Variants in STK35 observed in about 807,000 individuals in gnomAD.
STK35 encodes the protein serine/threonine-protein kinase 35.
In STK35, 17 loss-of-function variants were observed where a neutral mutation model predicts 37.3. The ratio of observed to expected loss-of-function variants is 0.46; its 90% CI spans 0.31 to 0.68. STK35 has a LOEUF of 0.68. STK35 is among the 30% of genes least tolerant of loss of function. STK35 has a pLI of 0.05. For missense variants in STK35, 595 were observed against 746.7 expected (o/e 0.80, Z 2.37); for synonymous variants, 385 against 319.1 (o/e 1.21, Z -2.20).
intron 3 of STK35, among the ~76,000 whole-genome samples, chr20:2,122,364 A>G (rs1985834111): frequency 6.6e-6 from 1 of 152,198 alleles, no homozygotes; most frequent in Non-Finnish European, 1.5e-5. Flanking sequence ...TGCATAAGTA[A>G]ACACACTTGA....
In STK35 at chr20:2,133,767, A is replaced by G. The variant is rs139810540; in HGVS notation, c.*38-10017A>G. On this transcript the variant is annotated intron_variant, in intron 3 of 3. Transcript: ENST00000381482. ...TTAATACTAGCACTTTTGGCAGTAT[A>G]CTCCAAGCAATCAAATTGTTTAAAA... 5.2e-3 allele frequency among the ~76,000 whole-genome samples: 795 copies of G among 152,284 alleles called. 4 individuals carry two copies. Among genetic ancestry groups the G allele is most frequent in the African/African-American group, 0.018 (756 of 41,542 alleles).
At chr20:2,127,923 G>C (rs1000740936) in intron 3 of STK35, among the ~76,000 whole-genome samples, 2 of 152,152 alleles carry the variant, frequency 1.3e-5, no homozygotes, top group Non-Finnish European at 2.9e-5. Flanking sequence ...TCTGCAGCAG[G>C]AACAGAGGAT....
At position 2,148,111 on chromosome 20, in the gene STK35, C is replaced by T. The variant is rs958654417; in HGVS notation, c.*4365C>T. On this transcript the variant is annotated 3_prime_UTR_variant, in exon 4 of 4. Coordinates refer to ENST00000381482, the MANE Select transcript of STK35 (RefSeq NM_080836.4). ...TTATAGACGGTATCAGCAGGGAGGC[C>T]GTCCCGCTGGTTTTCTAGGAGAGCC... The T allele has an allele frequency of 2.0e-5, 3 of 151,760 alleles. No homozygotes were observed. The highest frequency in any genetic ancestry group is 4.4e-5 in the Non-Finnish European group (3 of 68,028). The allele number at this position is 151,760 out of a possible 1,614,324, so 9.4% of individuals were successfully genotyped here. A position where few individuals can be genotyped will look rare whatever the true frequency, so the allele number is the denominator to read the frequency against.
In STK35 at chr20:2,147,408, G is replaced by T. The variant is rs1045978389; in HGVS notation, c.*3662G>T. On this transcript the variant is annotated 3_prime_UTR_variant, in exon 4 of 4. Transcript: ENST00000381482. ...GAATCTTTTTCTAAGAGAAGGAAAA[G>T]AGCTGGCATTGTGGGAATTTTCTTT... 2 of 152,648 alleles carry T rather than the reference G, an allele frequency of 1.3e-5. No homozygotes were observed. Among genetic ancestry groups the T allele is most frequent in the African/African-American group, 4.8e-5 (2 of 41,454 alleles). 9.5% of individuals were successfully genotyped at this position (152,648 alleles called of 1,614,324 possible). A position where few individuals can be genotyped will look rare whatever the true frequency, so the allele number is the denominator to read the frequency against.
At chr20:2,108,256 C>T (rs1985553581) in intron 2 of STK35, among the ~76,000 whole-genome samples, 1 of 152,228 alleles carries the variant, frequency 6.6e-6, no homozygotes, top group Non-Finnish European at 1.5e-5. Flanking sequence ...CACCTGTAAT[C>T]CCAACACTTT....
chr20:2,103,603 T>C (rs1271801976), intron 2 of STK35, among the ~76,000 whole-genome samples: 2 of 152,254 alleles, frequency 1.3e-5, no homozygotes, highest in African/African-American at 2.4e-5. Flanking sequence ...GTTTAAGTGC[T>C]AACCATTAAC....
chr20:2,108,300 G>T (rs1184415880), intron 2 of STK35, among the ~76,000 whole-genome samples: 1 of 152,196 alleles, frequency 6.6e-6, no homozygotes, highest in Non-Finnish European at 1.5e-5. Flanking sequence ...CCTCAGGTCA[G>T]GAGGTGGAGA....
Position 2,117,476 on chromosome 20 carries a change from G to A in STK35, c.*37+61G>A. On this transcript the variant is annotated intron_variant, in intron 3 of 3. Transcript: ENST00000381482. The surrounding 1 kb of genome is among the most constrained non-coding windows in gnomAD (Gnocchi z 4.4). ...TTTGAGACAGGGTCTCACTCTGTTG[G>A]TCAGGCTGGGGTGCAGCGGGTGCAG... 4.1e-6 allele frequency: 4 copies of A among 987,248 alleles called. No homozygotes were observed. Among genetic ancestry groups the A allele is most frequent in the Non-Finnish European group, 5.9e-6 (4 of 677,744 alleles). 61.2% of individuals were successfully genotyped at this position (987,248 alleles called of 1,614,324 possible). A position where few individuals can be genotyped will look rare whatever the true frequency, so the allele number is the denominator to read the frequency against.
At position 2,103,358 on chromosome 20, in the gene STK35, G is replaced by A. The variant is rs756370882; in HGVS notation, c.885G>A (p.Ser295=). ...TTTACCTGCGCCTGGTGGAGACCTCGCTGAAAGGTAGGAGCACCGCGGGCC... is the reference window on the plus strand; with the variant it reads ...TTTACCTGCGCCTGGTGGAGACCTCACTGAAAGGTAGGAGCACCGCGGGCC... ...SQLYLRLVET[S]LKGERILGYA... Residue 295 remains serine, a synonymous_variant, in exon 2 of 4, where the codon TCG becomes TCA. Coordinates refer to ENST00000381482, the MANE Select transcript of STK35 (RefSeq NM_080836.4). 5 of 1,610,478 alleles carry A rather than the reference G, an allele frequency of 3.1e-6. No individual in the cohort carries two copies. The highest frequency in any genetic ancestry group is 1.7e-5 in the Admixed American group (1 of 59,824).
intron 3 of STK35, among the ~76,000 whole-genome samples, chr20:2,129,967 G>T (rs1046824198): frequency 1.3e-5 from 2 of 152,184 alleles, no homozygotes; most frequent in Non-Finnish European, 2.9e-5. Flanking sequence ...AGGGGAGATG[G>T]TGAAGTGGGA....
intron 3 of STK35, among the ~76,000 whole-genome samples, chr20:2,121,279 GTGAGAGA>G (rs1985812436): frequency 6.6e-6 from 1 of 152,192 alleles, no homozygotes. Context: ...AATAATCCAG[GTGAGAGA>G]TGACGATGGC....
intron 3 of STK35, among the ~76,000 whole-genome samples, chr20:2,127,747 A>G (rs1447111249): frequency 1.3e-5 from 2 of 152,116 alleles, no homozygotes; most frequent in Admixed American, 6.5e-5. Context: ...GCTGCTCTGG[A>G]GTCCTGTAAG....
chr20:2,123,459 C>T (rs1453429158), intron 3 of STK35, among the ~76,000 whole-genome samples: 2 of 152,152 alleles, frequency 1.3e-5, no homozygotes, highest in African/African-American at 4.8e-5. Flanking sequence ...AGATCTAACC[C>T]TAGTACAACC....
In STK35 at chr20:2,102,150, C is replaced by T; in HGVS notation, c.269C>T (p.Ala90Val). The T allele has an allele frequency of 1.5e-6, 2 of 1,371,616 alleles. No individual in the cohort carries two copies. Among genetic ancestry groups the T allele is most frequent in the Non-Finnish European group, 1.9e-6 (2 of 1,061,026 alleles). 85.0% of individuals were successfully genotyped at this position (1,371,616 alleles called of 1,614,324 possible). ...GGGGCTCCAGGGGGGAAACGGGCCGCCCGGAAGTGGAGGTGCGCGGGCCAG... is the reference window on the plus strand; with the variant it reads ...GGGGCTCCAGGGGGGAAACGGGCCGTCCGGAAGTGGAGGTGCGCGGGCCAG... The part of the protein sequence containing the change: ...QAGAPGGKRA[A>V]RKWRCAGQVT... Residue 90 changes from alanine to valine, a missense_variant, in exon 1 of 4, where the codon GCC becomes GTC. Physicochemically the swap from Ala to Val is moderately conservative, Grantham distance 64. Transcript: ENST00000381482.
chr20:2,117,345 A>G lies in STK35; in HGVS notation c.1572A>G (p.Glu524=). Reference sequence around the variant, plus strand: ...ACCGGCCTGATGCCTTTGAACTTGAAACCAGAATGGACCAGGTCACATGTG... The same window carrying G: ...ACCGGCCTGATGCCTTTGAACTTGAGACCAGAATGGACCAGGTCACATGTG... ...PQDRPDAFEL[E]TRMDQVTCAA The change falls in exon 3 of 4, where the codon GAA becomes GAG. Residue 524 remains glutamate, a synonymous_variant. Coordinates refer to ENST00000381482, the MANE Select transcript of STK35 (RefSeq NM_080836.4). This position sits in a 1 kb window ranked among gnomAD's most constrained non-coding sequence, Gnocchi z 4.4. 6.2e-7 allele frequency: 1 copy of G among 1,612,534 alleles called. No homozygotes were observed. Among genetic ancestry groups the G allele is most frequent in the Non-Finnish European group, 8.5e-7 (1 of 1,178,760 alleles).
rs551990864 is a variant in STK35 at position 2,132,912 on chromosome 20, C to A, written c.*38-10872C>A. 5.3e-5 allele frequency among the ~76,000 whole-genome samples: 8 copies of A among 152,316 alleles called. No homozygotes were observed. In the East Asian group the frequency reaches 1.5e-3, roughly 29 times the overall value. ...AGTGTTGCTCACTGTAGGCTGTGTC[C>A]GGCGCAGTTCCTAGCTCCTGATGAC... On this transcript the variant is annotated intron_variant, in intron 3 of 3. Coordinates refer to ENST00000381482, the MANE Select transcript of STK35 (RefSeq NM_080836.4).
At position 2,148,079 on chromosome 20, in the gene STK35, C is replaced by T. The variant is rs1014575488; in HGVS notation, c.*4333C>T. On this transcript the variant is annotated 3_prime_UTR_variant, in exon 4 of 4. Transcript: ENST00000381482. Reference sequence around the variant, plus strand: ...ACTGCCGTTGCCTGCCCGAGGGCCCCCTAAGGTTATAGACGGTATCAGCAG... The same window carrying T: ...ACTGCCGTTGCCTGCCCGAGGGCCCTCTAAGGTTATAGACGGTATCAGCAG... 2.0e-5 allele frequency: 3 copies of T among 151,576 alleles called. No individual in the cohort carries two copies. The highest frequency in any genetic ancestry group is 7.3e-5 in the African/African-American group (3 of 41,132). 9.4% of individuals were successfully genotyped at this position (151,576 alleles called of 1,614,324 possible).
At chr20:2,132,834 G>A (rs1326486271) in intron 3 of STK35, among the ~76,000 whole-genome samples, 2 of 152,182 alleles carry the variant, frequency 1.3e-5, no homozygotes, top group African/African-American at 2.4e-5. Context: ...GCGGCTTTGG[G>A]CAAGTGATCT....
At chr20:2,128,975 C>T (rs1472082810) in intron 3 of STK35, among the ~76,000 whole-genome samples, 1 of 152,086 alleles carries the variant, frequency 6.6e-6, no homozygotes, top group Non-Finnish European at 1.5e-5. Context: ...TAAGTGCATG[C>T]CACCACGCCC....
Sources: allele counts gnomAD v4.1 joint callset (sites outside exome capture counted in the v4.1 genomes callset), GRCh38; gene constraint gnomAD v4.1.1; non-coding constraint Gnocchi (gnomAD v3.1); transcripts MANE v1.5; gene names NCBI Gene and HGNC (gene_info 2026-07-23, HGNC 2026-07-21).